TAFA4: variants seen among roughly 807,000 people sequenced by gnomAD.
TAFA4 encodes the protein chemokine-like protein TAFA-4.
In TAFA4, 20 loss-of-function variants were observed where a neutral mutation model predicts 21.1. The observed-to-expected ratio is 0.95, with a 90% CI of 0.67 to 1.38. The LOEUF (loss-of-function observed/expected upper bound fraction) is 1.38. Among genes scored for constraint, TAFA4 ranks in the 40% most tolerant of loss-of-function variants. The pLI, the probability that TAFA4 is intolerant of heterozygous loss-of-function variation, is 0.00. For missense variants in TAFA4, 211 were observed against 180.9 expected, an observed-to-expected ratio of 1.17 and a Z score of -0.95; for synonymous variants, 71 against 67.4, an observed-to-expected ratio of 1.05 and a Z score of -0.26.
chr3:68,811,025 G>A (rs1703825025), intron 3 of TAFA4, among the ~76,000 whole-genome samples: 1 of 152,162 alleles, frequency 6.6e-6, no homozygotes, highest in Admixed American at 6.5e-5. Flanking sequence ...AATATCCACT[G>A]TTCTGCAGCC....
intron 1 of TAFA4, among the ~76,000 whole-genome samples, chr3:68,914,716 C>G (rs1378589558): frequency 1.3e-5 from 2 of 152,142 alleles, no homozygotes; most frequent in African/African-American, 4.8e-5. Context: ...GACGTTTGGA[C>G]TTCACTAGAC....
intron 3 of TAFA4, among the ~76,000 whole-genome samples, chr3:68,844,031 T>C (rs1019676365): frequency 1.3e-5 from 2 of 152,224 alleles, no homozygotes; most frequent in East Asian, 3.9e-4. Flanking sequence ...ACTGGCCTCA[T>C]GAAATGAGTT....
chr3:68,815,495 T>TTGTTTTTGATG (rs1003739875), intron 3 of TAFA4, among the ~76,000 whole-genome samples: 2 of 152,126 alleles, frequency 1.3e-5, no homozygotes, highest in African/African-American at 4.8e-5. Context: ...CATCAAAAAG[T>TTGTTTTTGATG]GGGCAAAGGA....
intron 3 of TAFA4, among the ~76,000 whole-genome samples, chr3:68,761,013 C>G (rs1030429175): frequency 1.3e-5 from 2 of 152,108 alleles, no homozygotes; most frequent in African/African-American, 4.8e-5. Context: ...TGACTGTTCT[C>G]CTAAGATGGA....
At chr3:68,842,530 A>G (rs1389081292) in intron 3 of TAFA4, among the ~76,000 whole-genome samples, 1 of 152,184 alleles carries the variant, frequency 6.6e-6, no homozygotes, top group Admixed American at 6.5e-5. Context: ...TTTCCTGTGC[A>G]GAAGCTTTTT....
intron 4 of TAFA4, among the ~76,000 whole-genome samples, chr3:68,741,202 G>C (rs370802829): frequency 2.0e-5 from 3 of 152,138 alleles, no homozygotes; most frequent in East Asian, 1.9e-4. Flanking sequence ...AATTTTGTTA[G>C]GGATTGTATC....
Position 68,858,608 on chromosome 3 carries a change from G to GTGTGTGTGTC in TAFA4, c.130+22121_130+22122insGACACACACA, listed in dbSNP as rs1253675037. Reference sequence around the variant, plus strand: ...TGTGTGTGTGTGTGTGTGTGTGTGTGTGTCTTTAAGGCGTATGCATTCACA... The same window carrying GTGTGTGTGTC: ...TGTGTGTGTGTGTGTGTGTGTGTGTGTGTGTGTGTCTGTCTTTAAGGCGTATGCATTCACA... On this transcript the variant is annotated intron_variant, in intron 3 of 5. Transcript: ENST00000295569. Among the ~76,000 whole-genome samples, 7 of 150,974 alleles carry GTGTGTGTGTC rather than the reference G, an allele frequency of 4.6e-5. No homozygotes were observed. In the South Asian group the frequency reaches 6.3e-4, roughly 14 times the overall value.
At chr3:68,835,816 A>C (rs559184239) in intron 3 of TAFA4, among the ~76,000 whole-genome samples, 1 of 152,258 alleles carries the variant, frequency 6.6e-6, no homozygotes, top group African/African-American at 2.4e-5. Flanking sequence ...GTTCCCAAGC[A>C]TCAAATGCCA....
At chr3:68,804,700 G>C (rs1407062854) in intron 3 of TAFA4, among the ~76,000 whole-genome samples, 1 of 152,094 alleles carries the variant, frequency 6.6e-6, no homozygotes, top group Non-Finnish European at 1.5e-5. Flanking sequence ...CAAGCAATGG[G>C]GAAAGGATTC....
At chr3:68,785,443 G>C (rs576131539) in intron 3 of TAFA4, among the ~76,000 whole-genome samples, 2 of 152,346 alleles carry the variant, frequency 1.3e-5, no homozygotes, top group South Asian at 4.1e-4. Context: ...GCGGGCTGCG[G>C]GTCCCAAGCC....
At chr3:68,828,968 G>C (rs1704315899) in intron 3 of TAFA4, among the ~76,000 whole-genome samples, 1 of 152,094 alleles carries the variant, frequency 6.6e-6, no homozygotes, top group Admixed American at 6.6e-5. Flanking sequence ...TTTTCAAAGG[G>C]AATGCAATCC....
chr3:68,850,555 C>T (rs1475581355), intron 3 of TAFA4, among the ~76,000 whole-genome samples: 2 of 152,090 alleles, frequency 1.3e-5, no homozygotes, highest in Non-Finnish European at 2.9e-5. Flanking sequence ...CACCGGCATC[C>T]GTTTCTTTAC....
At chr3:68,861,676 C>CA (rs1397459580) in intron 3 of TAFA4, among the ~76,000 whole-genome samples, 1 of 152,022 alleles carries the variant, frequency 6.6e-6, no homozygotes, top group Non-Finnish European at 1.5e-5. Context: ...CCAACCCCCC[C>CA]AGCCCAGCTC....
At position 68,903,870 on chromosome 3, in the gene TAFA4, A is replaced by G. The variant is rs1336344113; in HGVS notation, c.-122-18560T>C. On this transcript the variant is annotated intron_variant, in intron 1 of 5. Transcript: ENST00000295569. ...CTCCATCCTCAGAGGTGACAAAACT[A>G]TACCTTTGATGCGCAATATCACAGC... 5.3e-5 allele frequency among the ~76,000 whole-genome samples: 8 copies of G among 152,266 alleles called. No homozygotes were observed. In the South Asian group the frequency reaches 6.2e-4, roughly 12 times the overall value.
chr3:68,796,454 A>G lies in TAFA4; in HGVS notation c.131-43436T>C, dbSNP rs1306753025. 2.0e-5 allele frequency among the ~76,000 whole-genome samples: 3 copies of G among 152,176 alleles called. No individual in the cohort carries two copies. The East Asian group carries it at 5.8e-4, about 29-fold the overall frequency. ...ATTATACATTCCAAAAGAATGTGGC[A>G]GGGTTGCTACTCACTATTTTTAAAA... On this transcript the variant is annotated intron_variant, in intron 3 of 5. Transcript: ENST00000295569.
At position 68,930,285 on chromosome 3, in the gene TAFA4, T is replaced by C. The variant is rs895108455; in HGVS notation, c.-123+1955A>G. On this transcript the variant is annotated intron_variant, in intron 1 of 5. Transcript: ENST00000295569. ...GTTGCCTTCAATGAAAAATATCCAA[T>C]AATCAAGCAGAGATATTTGTAGGGG... Among the ~76,000 whole-genome samples, 9 of 152,254 alleles carry C rather than the reference T, an allele frequency of 5.9e-5. No individual in the cohort carries two copies. The South Asian group carries it at 1.2e-3, about 21-fold the overall frequency.
chr3:68,793,349 C>T (rs1703398260), intron 3 of TAFA4, among the ~76,000 whole-genome samples: 2 of 152,148 alleles, frequency 1.3e-5, no homozygotes, highest in Admixed American at 6.5e-5. Context: ...ACGGCTATTG[C>T]TCTATTGAAA....
At chr3:68,875,383 G>A (rs530140593) in intron 3 of TAFA4, among the ~76,000 whole-genome samples, 3 of 152,046 alleles carry the variant, frequency 2.0e-5, no homozygotes, top group South Asian at 2.1e-4. Context: ...TGTGTTTTTC[G>A]TGCAAAAGCT....
At chr3:68,891,721 G>A (rs754193568) in intron 1 of TAFA4, among the ~76,000 whole-genome samples, 10 of 152,172 alleles carry the variant, frequency 6.6e-5, no homozygotes, top group Non-Finnish European at 8.8e-5. Flanking sequence ...TTTATGAGTG[G>A]AAGGGTAGGG....
Sources: gnomAD v4.1 joint callset for allele counts (sites outside exome capture counted in the v4.1 genomes callset) on GRCh38, gnomAD v4.1.1 for gene constraint, MANE v1.5 for transcripts, NCBI Gene and HGNC (gene_info 2026-07-23, HGNC 2026-07-21) for gene names.